The following SPATA6L variants were observed in gnomAD, a reference collection of about 807,000 sequenced individuals.
SPATA6L encodes the protein spermatogenesis associated 6-like protein.
In SPATA6L, 68 loss-of-function variants were observed where a neutral mutation model predicts 49.2. The observed-to-expected ratio is 1.38, with a 90% CI of 1.14 to 1.69. SPATA6L has a LOEUF of 1.69. Among genes scored for constraint, SPATA6L ranks in the 40% most tolerant of loss-of-function variants. The pLI, the probability that SPATA6L is intolerant of heterozygous loss-of-function variation, is 0.00. For synonymous variants in SPATA6L, 198 were observed against 165.7 expected (o/e 1.19, Z -1.50); for missense variants, 668 against 464.3 (o/e 1.44, Z -4.03).
intron 3 of SPATA6L, among the ~76,000 whole-genome samples, chr9:4,653,407 A>G (rs1184998263): frequency 6.6e-6 from 1 of 152,374 alleles, no homozygotes; most frequent in East Asian, 1.9e-4. Context: ...AACCATTAGA[A>G]GAAAACATAG....
chr9:4,638,657 C>G (rs1309212944), intron 3 of SPATA6L, among the ~76,000 whole-genome samples: 1 of 152,144 alleles, frequency 6.6e-6, no homozygotes, highest in Non-Finnish European at 1.5e-5. Context: ...TGCCTCCATC[C>G]AGAAACTCTG....
At chr9:4,623,082 C>T (rs1236489942) in intron 6 of SPATA6L, among the ~76,000 whole-genome samples, 2 of 152,102 alleles carry the variant, frequency 1.3e-5, no homozygotes, top group Non-Finnish European at 2.9e-5. Context: ...GAGTTCAAGA[C>T]CAGCCTGACC....
At chr9:4,591,908 A>G (rs1821926166) in intron 13 of SPATA6L, among the ~76,000 whole-genome samples, 1 of 152,196 alleles carries the variant, frequency 6.6e-6, no homozygotes, top group South Asian at 2.1e-4. Context: ...TCTAAGGCAA[A>G]TCAACGTCCA....
At chr9:4,635,799 G>T (rs12353516) in intron 3 of SPATA6L, among the ~76,000 whole-genome samples, 22,173 of 152,188 alleles carry the variant, frequency 0.15, 2,625 homozygotes, top group East Asian at 0.33. Context: ...GGTTCAATGT[G>T]TTCTGTGATG....
chr9:4,663,085 T>A (rs1457333501), intron 1 of SPATA6L: 3 of 1,613,856 alleles, frequency 1.9e-6, no homozygotes, highest in Non-Finnish European at 2.5e-6. Flanking sequence ...CCACTGAGGG[T>A]GCTGGTGGTT....
chr9:4,646,094 C>A (rs1835312883), intron 3 of SPATA6L, among the ~76,000 whole-genome samples: 1 of 151,212 alleles, frequency 6.6e-6, no homozygotes, highest in African/African-American at 2.4e-5. Context: ...CCTGTTCTAG[C>A]ATCTAACAAT....
intron 3 of SPATA6L, among the ~76,000 whole-genome samples, chr9:4,650,499 G>T (rs1587436813): frequency 6.6e-6 from 1 of 152,132 alleles, no homozygotes; most frequent in East Asian, 1.9e-4. Context: ...AAACAGAAAA[G>T]CAACACAGAA....
At chr9:4,658,930 A>G (rs1422273468) in intron 2 of SPATA6L, among the ~76,000 whole-genome samples, 1 of 143,236 alleles carries the variant, frequency 7.0e-6, no homozygotes, top group Non-Finnish European at 1.5e-5. Flanking sequence ...AGCCTAGGTG[A>G]CAGAGCAACA....
intron 9 of SPATA6L, among the ~76,000 whole-genome samples, chr9:4,616,907 A>T (rs1238981797): frequency 6.6e-6 from 1 of 152,170 alleles, no homozygotes; most frequent in Non-Finnish European, 1.5e-5. Flanking sequence ...TTAAAAATCT[A>T]TGTTGTATTA....
At chr9:4,605,585 T>C (rs910388595) in intron 9 of SPATA6L, 145 bp from the exon 10 acceptor site, 5 of 598,074 alleles carry the variant, frequency 8.4e-6, no homozygotes, top group South Asian at 7.0e-5. Flanking sequence ...GTGATTTCAA[T>C]GTCTTTCTTA....
chr9:4,641,240 A>C (rs1833969735), intron 3 of SPATA6L, among the ~76,000 whole-genome samples: 1 of 152,154 alleles, frequency 6.6e-6, no homozygotes, highest in African/African-American at 2.4e-5. Flanking sequence ...ATTCGTGTTT[A>C]TATATACTGT....
chr9:4,629,769 G>GTGTGTGTGTGTGTGTATA (rs1311805859), intron 4 of SPATA6L, among the ~76,000 whole-genome samples: 6 of 101,922 alleles, frequency 5.9e-5, no homozygotes, highest in African/African-American at 3.0e-4. Context: ...GTGTGTGTGT[G>GTGTGTGTGTGTGTGTATA]TATATATATA....
chr9:4,662,275 C>A lies in SPATA6L; in HGVS notation c.40-239G>T, dbSNP rs993289301. ...AATCGCGCTCTCGCCGGCTCCTCTC[C>A]CCGCCCCTCCGGGATGGTAGTGCGG... is the stretch of plus-strand genomic sequence containing the variant. On this transcript the variant is annotated intron_variant, in intron 1 of 11. Transcript: ENST00000682582. The surrounding 1 kb of genome is among the most constrained non-coding windows in gnomAD (Gnocchi z 4.9). 4 of 1,434,688 alleles carry A rather than the reference C, an allele frequency of 2.8e-6. No homozygotes were observed. In the African/African-American group the frequency reaches 4.3e-5, roughly 15 times the overall value. The allele number at this position is 1,434,688 out of a possible 1,614,324, so 88.9% of individuals were successfully genotyped here.
chr9:4,607,156 A>C (rs939754100), intron 9 of SPATA6L, among the ~76,000 whole-genome samples: 1 of 152,146 alleles, frequency 6.6e-6, no homozygotes, highest in Non-Finnish European at 1.5e-5. Context: ...AAAAGACCAA[A>C]TCTACGTCTG....
chr9:4,634,455 G>A (rs1193087606), intron 4 of SPATA6L, among the ~76,000 whole-genome samples: 1 of 152,130 alleles, frequency 6.6e-6, no homozygotes, highest in Non-Finnish European at 1.5e-5. Context: ...GCTGTTTGAT[G>A]TATTAGAAGC....
chr9:4,662,341 C>T lies in SPATA6L; in HGVS notation c.40-305G>A, dbSNP rs947662458. The stretch of plus-strand genomic sequence containing the variant: ...CAGGGCCGGGAAGCCTCTGTTTGGT[C>T]CGGCCAGGTCCCGGGATCCGGGCCG... On this transcript the variant is annotated intron_variant, in intron 1 of 11. Coordinates refer to ENST00000682582, the MANE Select transcript of SPATA6L (RefSeq NM_001353486.2). The surrounding 1 kb of genome is among the most constrained non-coding windows in gnomAD (Gnocchi z 4.9). The T allele has an allele frequency of 3.3e-5, 48 of 1,468,810 alleles. No individual in the cohort carries two copies. Among genetic ancestry groups the T allele is most frequent in the Non-Finnish European group, 4.3e-5 (48 of 1,117,548 alleles). The allele number at this position is 1,468,810 out of a possible 1,614,324, so 91.0% of individuals were successfully genotyped here. A position where few individuals can be genotyped will look rare whatever the true frequency, so the allele number is the denominator to read the frequency against.
intron 3 of SPATA6L, among the ~76,000 whole-genome samples, chr9:4,649,904 G>A (rs1836405679): frequency 1.3e-5 from 2 of 152,174 alleles, no homozygotes; most frequent in South Asian, 4.1e-4. Flanking sequence ...TGAATTTAAA[G>A]AGGCTTGAGA....
At chr9:4,655,549 T>C (rs150753823) in intron 3 of SPATA6L, among the ~76,000 whole-genome samples, 1,978 of 149,728 alleles carry the variant, frequency 0.013, 20 homozygotes, top group Middle Eastern at 0.024. Context: ...TTTTTGTTTT[T>C]TTGTTGTTTT....
At chr9:4,613,169 A>G (rs1388066831) in intron 9 of SPATA6L, among the ~76,000 whole-genome samples, 1 of 151,898 alleles carries the variant, frequency 6.6e-6, no homozygotes, top group Non-Finnish European at 1.5e-5. Flanking sequence ...TGGAGGTTGT[A>G]GTGAGCTGAG....
Sources: gnomAD v4.1 joint callset for allele counts (sites outside exome capture counted in the v4.1 genomes callset) on GRCh38, gnomAD v4.1.1 for gene constraint, Gnocchi (gnomAD v3.1) non-coding constraint, MANE v1.5 for transcripts, NCBI Gene and HGNC (gene_info 2026-07-23, HGNC 2026-07-21) for gene names.